The following FRMD4A variants were observed in gnomAD, a reference collection of about 807,000 sequenced individuals.
FRMD4A encodes FERM domain containing 4A.
A neutral mutation model predicts 129.1 loss-of-function variants in FRMD4A; 29 were observed. The observed-to-expected ratio is 0.22, with a 90% CI of 0.17 to 0.31. FRMD4A has a LOEUF of 0.31. Among genes scored for constraint, FRMD4A ranks in the 10% least tolerant of loss-of-function variants. FRMD4A has a pLI of 1.00. For missense variants in FRMD4A, 1,272 were observed against 1,375.8 expected (o/e 0.92, Z 1.19); for synonymous variants, 634 against 571.6 (o/e 1.11, Z -1.56).
chr10:14,215,965 A>G (rs946549540), intron 2 of FRMD4A, among the ~76,000 whole-genome samples: 4 of 152,134 alleles, frequency 2.6e-5, no homozygotes, highest in African/African-American at 4.8e-5. Context: ...AGGAATAAAA[A>G]AAAAACCACG....
intron 2 of FRMD4A, among the ~76,000 whole-genome samples, chr10:14,104,633 C>A (rs568458567): frequency 6.6e-6 from 1 of 152,198 alleles, no homozygotes; most frequent in Non-Finnish European, 1.5e-5. Context: ...GCCAGTGAGA[C>A]ACAAAGCCAA....
chr10:14,223,705 C>T (rs148122867), intron 2 of FRMD4A, among the ~76,000 whole-genome samples: 19 of 128,292 alleles, frequency 1.5e-4, no homozygotes, highest in African/African-American at 5.1e-4. Flanking sequence ...TGCACTACTG[C>T]AATCCAGCCT....
intron 2 of FRMD4A, among the ~76,000 whole-genome samples, chr10:13,932,416 A>G (rs2095209214): frequency 6.6e-6 from 1 of 152,218 alleles, no homozygotes; most frequent in South Asian, 2.1e-4. Flanking sequence ...CCTTCTGGAC[A>G]AACTCCAGGT....
chr10:13,781,306 T>TAAA (rs1253732948), intron 6 of FRMD4A, among the ~76,000 whole-genome samples: 8,378 of 79,176 alleles, frequency 0.11, 541 homozygotes, highest in East Asian at 0.35. Context: ...TCTTAAAAAT[T>TAAA]AAAAAAAAAA....
intron 8 of FRMD4A, among the ~76,000 whole-genome samples, chr10:13,754,378 T>G (rs2091767783): frequency 6.6e-6 from 1 of 152,182 alleles, no homozygotes; most frequent in African/African-American, 2.4e-5. Flanking sequence ...CAAATAGACT[T>G]TAGTGCACAA....
chr10:13,664,859 GCCAA>G (rs2082892626), intron 18 of FRMD4A, among the ~76,000 whole-genome samples: 1 of 152,012 alleles, frequency 6.6e-6, no homozygotes, highest in Non-Finnish European at 1.5e-5. Flanking sequence ...ATAGGTGCAT[GCCAA>G]CATGCCCAGC....
At chr10:14,166,178 T>C (rs2131877661) in intron 2 of FRMD4A, among the ~76,000 whole-genome samples, 1 of 150,504 alleles carries the variant, frequency 6.6e-6, no homozygotes, top group East Asian at 1.9e-4. Context: ...AATAATATAT[T>C]AACATGTTTA....
intron 2 of FRMD4A, among the ~76,000 whole-genome samples, chr10:14,247,143 T>C (rs562066686): frequency 6.6e-6 from 1 of 152,074 alleles, no homozygotes; most frequent in African/African-American, 2.4e-5. Context: ...AGCTCAAACT[T>C]GCCGATCCCC....
intron 2 of FRMD4A, among the ~76,000 whole-genome samples, chr10:13,873,897 T>G (rs1388285199): frequency 6.6e-6 from 1 of 151,884 alleles, no homozygotes; most frequent in Non-Finnish European, 1.5e-5. Flanking sequence ...AAAGAACCTT[T>G]AAAGATATGT....
At chr10:14,091,264 G>T (rs956447886) in intron 2 of FRMD4A, among the ~76,000 whole-genome samples, 1 of 151,978 alleles carries the variant, frequency 6.6e-6, no homozygotes, top group African/African-American at 2.4e-5. Context: ...CAGCAGTAAA[G>T]GTATCTCTCA....
chr10:13,816,765 G>T (rs1391664995), intron 3 of FRMD4A, among the ~76,000 whole-genome samples: 1 of 152,200 alleles, frequency 6.6e-6, no homozygotes, highest in African/African-American at 2.4e-5. Context: ...CATTTGTGGA[G>T]CTTTGCAGGG....
In FRMD4A at chr10:14,330,891, C is replaced by T; in HGVS notation, c.-376G>A. The T allele has an allele frequency of 2.5e-6, 1 of 398,722 alleles. No homozygotes were observed. Among genetic ancestry groups the T allele is most frequent in the Non-Finnish European group, 4.4e-6 (1 of 226,150 alleles). 24.7% of individuals were successfully genotyped at this position (398,722 alleles called of 1,614,324 possible). A position where few individuals can be genotyped will look rare whatever the true frequency, so the allele number is the denominator to read the frequency against. On this transcript the variant is annotated 5_prime_UTR_variant, in exon 1 of 25. Coordinates refer to ENST00000357447, the MANE Select transcript of FRMD4A (RefSeq NM_018027.5). ...GCCTGTTCTGTGAGCGTTCTGATCTCCCTGGCTGTACCACATGTACGCCGC... is the reference window on the plus strand; with the variant it reads ...GCCTGTTCTGTGAGCGTTCTGATCTTCCTGGCTGTACCACATGTACGCCGC...
intron 2 of FRMD4A, among the ~76,000 whole-genome samples, chr10:14,121,151 T>A (rs1419340085): frequency 6.6e-6 from 1 of 152,160 alleles, no homozygotes. Flanking sequence ...GTGGATCACC[T>A]GAGGTCAGGA....
chr10:13,836,010 G>T (rs2093867719), intron 3 of FRMD4A, among the ~76,000 whole-genome samples: 1 of 152,148 alleles, frequency 6.6e-6, no homozygotes, highest in African/African-American at 2.4e-5. Flanking sequence ...TCAAGATTTT[G>T]TTTTTGAGAT....
chr10:13,922,045 G>C (rs1436514679), intron 2 of FRMD4A, among the ~76,000 whole-genome samples: 2 of 152,148 alleles, frequency 1.3e-5, no homozygotes, highest in African/African-American at 4.8e-5. Context: ...GAAGAAGAGA[G>C]ATCAGAGCTT....
intron 2 of FRMD4A, among the ~76,000 whole-genome samples, chr10:14,280,497 A>C (rs987657925): frequency 6.6e-6 from 1 of 152,134 alleles, no homozygotes; most frequent in African/African-American, 2.4e-5. Context: ...TAAGTGATTC[A>C]TGTGTAGAAA....
intron 14 of FRMD4A, among the ~76,000 whole-genome samples, chr10:13,699,810 G>A (rs557457801): frequency 3.9e-5 from 6 of 152,180 alleles, no homozygotes; most frequent in Admixed American, 1.3e-4. Context: ...TGTCAATATC[G>A]AGCATGAGTC....
intron 2 of FRMD4A, among the ~76,000 whole-genome samples, chr10:13,885,276 T>A (rs1449060768): frequency 6.6e-6 from 1 of 152,180 alleles, no homozygotes; most frequent in African/African-American, 2.4e-5. Context: ...AGATATTAAC[T>A]AATTTGCTCC....
At chr10:14,090,461 T>A (rs995100338) in intron 2 of FRMD4A, among the ~76,000 whole-genome samples, 2 of 152,108 alleles carry the variant, frequency 1.3e-5, no homozygotes, top group Non-Finnish European at 1.5e-5. Context: ...AACCAGCCCG[T>A]GGGCATCATG....
Sources: allele counts gnomAD v4.1 joint callset (sites outside exome capture counted in the v4.1 genomes callset), GRCh38; gene constraint gnomAD v4.1.1; transcripts MANE v1.5; gene names NCBI Gene and HGNC (gene_info 2026-07-23, HGNC 2026-07-21).